The following OXR1 variants were observed in gnomAD, a reference collection of about 807,000 sequenced individuals.
The protein encoded by OXR1 is oxidation resistance protein 1.
In OXR1, 41 loss-of-function variants were observed where a neutral mutation model predicts 104.6. The observed-to-expected ratio is 0.39, with a 90% confidence interval of 0.31 to 0.51. The LOEUF is 0.51. OXR1 is among the 20% of genes least tolerant of loss of function. The pLI is 0.77. For synonymous variants in OXR1, 348 were observed against 348.4 expected (o/e 1.00, Z 0.01); for missense variants, 955 against 1,031.9 (o/e 0.93, Z 1.02).
At chr8:106,684,115 AT>A (rs1218674066) in intron 5 of OXR1, 130 bp from the exon 6 acceptor site, 2 of 553,124 alleles carry the variant, frequency 3.6e-6, no homozygotes, top group Non-Finnish European at 6.4e-6. Context: ...ATGTTTTTAT[AT>A]TCTTATAATT....
At chr8:106,353,599 CTTA>C (rs1815830040) in intron 1 of OXR1, among the ~76,000 whole-genome samples, 1 of 151,580 alleles carries the variant, frequency 6.6e-6, no homozygotes, top group South Asian at 2.1e-4. Context: ...AAATTTTTTT[CTTA>C]TTTTTTAATT....
intron 3 of OXR1, among the ~76,000 whole-genome samples, chr8:106,519,604 G>A (rs977912269): frequency 2.6e-5 from 4 of 152,162 alleles, no homozygotes; most frequent in African/African-American, 4.8e-5. Flanking sequence ...AACTAACAAA[G>A]CCAGTAAGAA....
chr8:106,303,740 A>C (rs1222118654), intron 1 of OXR1, among the ~76,000 whole-genome samples: 1 of 152,286 alleles, frequency 6.6e-6, no homozygotes, highest in Non-Finnish European at 1.5e-5. Context: ...AATTTAACTA[A>C]ATATTTTAAA....
intron 3 of OXR1, among the ~76,000 whole-genome samples, chr8:106,562,352 A>ATTTG (rs1816745324): frequency 6.6e-6 from 1 of 152,102 alleles, no homozygotes; most frequent in East Asian, 1.9e-4. Flanking sequence ...AAATTGATCA[A>ATTTG]GCTGAAGAAA....
In OXR1 at chr8:106,487,560, C is replaced by T. The variant is rs190677773; in HGVS notation, c.24-31383C>T. The stretch of plus-strand genomic sequence containing the variant: ...CTAGCATTAGGTATATCTCCCGATG[C>T]TATCCCTCCCCACCCCCCAACCCCA... On this transcript the variant is annotated intron_variant, in intron 2 of 16. Transcript: ENST00000517566. Among the ~76,000 whole-genome samples, 400 of 151,850 alleles carry T rather than the reference C, an allele frequency of 2.6e-3. 5 individuals carry two copies. Among genetic ancestry groups the T allele is most frequent in the Non-Finnish European group, 1.3e-3 (91 of 67,972 alleles).
chr8:106,407,115 C>T (rs1237082041), intron 2 of OXR1, among the ~76,000 whole-genome samples: 1 of 152,110 alleles, frequency 6.6e-6, no homozygotes, highest in African/African-American at 2.4e-5. Flanking sequence ...ATGTATTAAA[C>T]TAAATGTTTC....
intron 3 of OXR1, among the ~76,000 whole-genome samples, chr8:106,605,383 A>G (rs1245697171): frequency 1.3e-5 from 2 of 152,132 alleles, no homozygotes; most frequent in Non-Finnish European, 2.9e-5. Context: ...TTCTCCAACA[A>G]GACTCAGCCT....
chr8:106,457,911 T>A (rs1289833721), intron 2 of OXR1, among the ~76,000 whole-genome samples: 3 of 152,068 alleles, frequency 2.0e-5, no homozygotes, highest in African/African-American at 4.8e-5. Flanking sequence ...TTAAGTAAAA[T>A]TTTGACAGAG....
intron 3 of OXR1, among the ~76,000 whole-genome samples, chr8:106,663,870 G>A (rs1412047789): frequency 2.6e-5 from 4 of 152,120 alleles, no homozygotes; most frequent in African/African-American, 9.7e-5. Context: ...GCCTGTCTCT[G>A]GTGCCGTAAA....
chr8:106,304,067 CT>C (rs1370071825), intron 1 of OXR1, among the ~76,000 whole-genome samples: 2 of 152,156 alleles, frequency 1.3e-5, no homozygotes, highest in East Asian at 3.8e-4. Context: ...GTAATCCTGA[CT>C]AAATGTGTGT....
At chr8:106,749,081 G>A (rs1016418169) in intron 16 of OXR1, among the ~76,000 whole-genome samples, 2 of 151,792 alleles carry the variant, frequency 1.3e-5, no homozygotes, top group Non-Finnish European at 2.9e-5. Context: ...GGTGGCTCAC[G>A]CCTGTAATCC....
chr8:106,555,235 T>C (rs150703359), intron 3 of OXR1, among the ~76,000 whole-genome samples: 2 of 152,260 alleles, frequency 1.3e-5, no homozygotes, highest in East Asian at 3.9e-4. Context: ...GGTAATTCCA[T>C]GCAAGTCATG....
chr8:106,549,602 C>CA (rs1411068120), intron 3 of OXR1, among the ~76,000 whole-genome samples: 1 of 152,110 alleles, frequency 6.6e-6, no homozygotes, highest in East Asian at 1.9e-4. Flanking sequence ...TTATAAACAA[C>CA]AGAAATGTAT....
At chr8:106,326,256 C>T (rs1814463681) in intron 1 of OXR1, among the ~76,000 whole-genome samples, 1 of 152,160 alleles carries the variant, frequency 6.6e-6, no homozygotes, top group African/African-American at 2.4e-5. Flanking sequence ...GGAAGGATGT[C>T]CCTAGTGTGT....
chr8:106,511,536 TACACACACACTCTCTCTCATAC>T (rs1303842202), intron 2 of OXR1, among the ~76,000 whole-genome samples: 1 of 119,730 alleles, frequency 8.4e-6, no homozygotes, highest in Non-Finnish European at 1.9e-5. Context: ...CACACACACA[TACACACACACTCTCTCTCATAC>T]ACACACACAC....
chr8:106,292,497 A>G (rs1812795515), intron 1 of OXR1, among the ~76,000 whole-genome samples: 1 of 152,168 alleles, frequency 6.6e-6, no homozygotes, highest in Non-Finnish European at 1.5e-5. Flanking sequence ...TATGGATGGA[A>G]ACCATGAATA....
At chr8:106,551,825 C>CATAT (rs750656492) in intron 3 of OXR1, among the ~76,000 whole-genome samples, 2 of 138,960 alleles carry the variant, frequency 1.4e-5, no homozygotes, top group African/African-American at 5.8e-5. Flanking sequence ...CACACACACA[C>CATAT]ACATATATAT....
At chr8:106,296,864 G>T (rs1813020450) in intron 1 of OXR1, among the ~76,000 whole-genome samples, 1 of 152,166 alleles carries the variant, frequency 6.6e-6, no homozygotes, top group Admixed American at 6.5e-5. Flanking sequence ...TCTAATTTTT[G>T]TCTTATAATG....
chr8:106,612,824 C>T (rs1008861421), intron 3 of OXR1, among the ~76,000 whole-genome samples: 11 of 152,022 alleles, frequency 7.2e-5, no homozygotes, highest in East Asian at 1.9e-4. Flanking sequence ...CACAGCCCTA[C>T]GAATACTAAG....
Sources: allele counts gnomAD v4.1 joint callset (sites outside exome capture counted in the v4.1 genomes callset), GRCh38; gene constraint gnomAD v4.1.1; transcripts MANE v1.5; gene names NCBI Gene and HGNC (gene_info 2026-07-23, HGNC 2026-07-21).